Variants in FIGN observed in about 807,000 individuals in gnomAD.
FIGN encodes the protein fidgetin.
In FIGN, 11 loss-of-function variants were observed where a neutral mutation model predicts 51.3. The observed-to-expected ratio is 0.21, with a 90% CI of 0.13 to 0.35. The LOEUF is 0.35. FIGN is among the 10% of genes least tolerant of loss of function. The pLI is 1.00. For synonymous variants in FIGN, 407 were observed against 363.2 expected, an observed-to-expected ratio of 1.12 and a Z score of -1.37; for missense variants, 857 against 943.6, an observed-to-expected ratio of 0.91 and a Z score of 1.20.
At chr2:163,661,553 T>C (rs1683684737) in intron 2 of FIGN, among the ~76,000 whole-genome samples, 1 of 152,112 alleles carries the variant, frequency 6.6e-6, no homozygotes, top group South Asian at 2.1e-4. Flanking sequence ...CCCGCCACCT[T>C]GCCTGGCTAA....
intron 2 of FIGN, among the ~76,000 whole-genome samples, chr2:163,647,105 T>C (rs1683394328): frequency 6.6e-6 from 1 of 152,220 alleles, no homozygotes; most frequent in African/African-American, 2.4e-5. Context: ...CCCAAAGTGC[T>C]GGAACAAAGG....
intron 2 of FIGN, among the ~76,000 whole-genome samples, chr2:163,663,117 C>T (rs1175300659): frequency 2.0e-5 from 3 of 152,096 alleles, no homozygotes; most frequent in Non-Finnish European, 2.9e-5. Flanking sequence ...GATGGGGTTT[C>T]ACCATGTTGG....
rs142324808 is a variant in FIGN, at chr2:163,656,623, G to A, written c.26-44817C>T. 3.8e-3 allele frequency among the ~76,000 whole-genome samples: 577 copies of A among 152,154 alleles called. 2 individuals carry two copies. Among genetic ancestry groups the A allele is most frequent in the African/African-American group, 0.013 (556 of 41,514 alleles). On this transcript the variant is annotated intron_variant, in intron 2 of 2. Coordinates refer to ENST00000333129, the MANE Select transcript of FIGN (RefSeq NM_018086.4). ...GACACTAGATGTGGCATAAAAGCTT[G>A]GGTTAGAAATCTATTGAGGAGTCAG...
In FIGN at chr2:163,610,103, G is replaced by A. The variant is rs1174307306; in HGVS notation, c.1729C>T (p.Arg577Cys). The A allele has an allele frequency of 1.2e-6, 2 of 1,613,844 alleles. No individual in the cohort carries two copies. Among genetic ancestry groups the A allele is most frequent in the East Asian group, 2.2e-5 (1 of 44,848 alleles). The part of the protein sequence containing the change: ...IHASFLVARC[R>C]QPSVIFVSDI... Reference sequence around the variant, plus strand: ...CTAACAAAAATCACCGAGGGCTGGCGACACCTGGCCACAAGAAAAGAGGCA... The same window carrying A: ...CTAACAAAAATCACCGAGGGCTGGCAACACCTGGCCACAAGAAAAGAGGCA... Residue 577 changes from arginine to cysteine, a missense_variant, in exon 3 of 3, where the codon CGC becomes TGC. By Grantham distance (180) the Arg-to-Cys change is radical (BLOSUM62 -3). Around this residue, in one of 3 missense-constraint regions of FIGN, gnomAD observed 799 missense variants for 849.5 expected, o/e 0.94. Coordinates refer to ENST00000333129, the MANE Select transcript of FIGN (RefSeq NM_018086.4).
chr2:163,619,317 A>T (rs1370385486), intron 2 of FIGN, among the ~76,000 whole-genome samples: 1 of 152,186 alleles, frequency 6.6e-6, no homozygotes, highest in Non-Finnish European at 1.5e-5. Context: ...GGTAGATGGT[A>T]CGCAGGTAAG....
At chr2:163,618,639 C>T (rs1376331054) in intron 2 of FIGN, among the ~76,000 whole-genome samples, 1 of 152,074 alleles carries the variant, frequency 6.6e-6, no homozygotes, top group African/African-American at 2.4e-5. Context: ...TTCCATATTT[C>T]CCATTTTTCA....
In FIGN at chr2:163,624,691, C is replaced by CATATAT. The variant is rs55969954; in HGVS notation, c.26-12891_26-12886dup. The stretch of plus-strand genomic sequence containing the variant: ...ATCAAGGAAAGATTATATATACATA[C>CATATAT]ATATATATATATATATATTTTTTTT... On this transcript the variant is annotated intron_variant, in intron 2 of 2. Coordinates refer to ENST00000333129, the MANE Select transcript of FIGN (RefSeq NM_018086.4). Among the ~76,000 whole-genome samples, 191 of 141,282 alleles carry CATATAT rather than the reference C, an allele frequency of 1.4e-3. 1 individual carries two copies. The highest frequency in any genetic ancestry group is 4.6e-3 in the African/African-American group (176 of 38,676). 92.7% of individuals were successfully genotyped at this position (141,282 alleles called of 152,430 possible).
chr2:163,646,734 C>A, intron 2 of FIGN, among the ~76,000 whole-genome samples: 1 of 152,098 alleles, frequency 6.6e-6, no homozygotes, highest in East Asian at 1.9e-4. Flanking sequence ...GGACAATCAC[C>A]ATCTCTGTTG....
intron 2 of FIGN, among the ~76,000 whole-genome samples, chr2:163,647,792 T>C (rs13000009): frequency 0.25 from 37,368 of 152,136 alleles, 4,946 homozygotes; most frequent in Admixed American, 0.28. Flanking sequence ...GGTTGAAATA[T>C]TTTTATGTTA....
chr2:163,618,630 T>A (rs1682917526), intron 2 of FIGN, among the ~76,000 whole-genome samples: 1 of 152,058 alleles, frequency 6.6e-6, no homozygotes, highest in Non-Finnish European at 1.5e-5. Flanking sequence ...AATCTGTATT[T>A]CCATATTTCC....
intron 2 of FIGN, among the ~76,000 whole-genome samples, chr2:163,630,133 C>G (rs1484933138): frequency 6.6e-6 from 1 of 151,146 alleles, no homozygotes; most frequent in Admixed American, 6.6e-5. Context: ...GCCTAGCAAA[C>G]TTTTTTATTT....
chr2:163,704,191 T>A lies in FIGN; in HGVS notation c.25+30712A>T, dbSNP rs928292105. Among the ~76,000 whole-genome samples the A allele has an allele frequency of 8.5e-5, 13 of 152,164 alleles. 1 individual carries two copies. The highest frequency in any genetic ancestry group is 3.1e-4 in the African/African-American group (13 of 41,456). On this transcript the variant is annotated intron_variant, in intron 2 of 2. Coordinates refer to ENST00000333129, the MANE Select transcript of FIGN (RefSeq NM_018086.4). ...AAGGTGATTGAAGGGTACAGTAATA[T>A]GCTTACATGAATAATAAATAATACT...
intron 2 of FIGN, among the ~76,000 whole-genome samples, chr2:163,728,428 A>G (rs1402631841): frequency 6.6e-6 from 1 of 151,810 alleles, no homozygotes; most frequent in East Asian, 1.9e-4. Flanking sequence ...ACACACACAC[A>G]CACACACACA....
At chr2:163,624,226 T>A (rs1683018900) in intron 2 of FIGN, among the ~76,000 whole-genome samples, 3 of 152,102 alleles carry the variant, frequency 2.0e-5, no homozygotes, top group Admixed American at 2.0e-4. Flanking sequence ...ATATATGTAT[T>A]TTAAAAATTA....
At chr2:163,660,989 T>C (rs1309255102) in intron 2 of FIGN, among the ~76,000 whole-genome samples, 1 of 140,932 alleles carries the variant, frequency 7.1e-6, no homozygotes, top group Non-Finnish European at 1.5e-5. Flanking sequence ...GTTCAAGTGA[T>C]TCTCCTGCCT....
At chr2:163,699,620 G>A (rs1429230350) in intron 2 of FIGN, among the ~76,000 whole-genome samples, 1 of 152,024 alleles carries the variant, frequency 6.6e-6, no homozygotes, top group Non-Finnish European at 1.5e-5. Flanking sequence ...CTTTCTAATG[G>A]TACAGTTTCC....
At chr2:163,652,229 TA>T (rs1211169777) in intron 2 of FIGN, among the ~76,000 whole-genome samples, 16 of 152,082 alleles carry the variant, frequency 1.1e-4, no homozygotes, top group African/African-American at 3.1e-4. Flanking sequence ...AAAAGCTAAA[TA>T]AAAAATAACA....
At chr2:163,628,253 A>G (rs1683087155) in intron 2 of FIGN, among the ~76,000 whole-genome samples, 1 of 152,104 alleles carries the variant, frequency 6.6e-6, no homozygotes, top group African/African-American at 2.4e-5. Context: ...AGAGGTGGCT[A>G]TACAGAGGAG....
Position 163,610,884 on chromosome 2 carries a change from G to A in FIGN, c.948C>T (p.Leu316=). 6.2e-7 allele frequency: 1 copy of A among 1,613,818 alleles called. No individual in the cohort carries two copies. The highest frequency in any genetic ancestry group is 1.3e-5 in the African/African-American group (1 of 74,940). Residue 316 remains leucine, a synonymous_variant, in exon 3 of 3, where the codon CTC becomes CTT. Transcript: ENST00000333129. ...CTGCCATGTAGAAAGCTTTCCTTTT[G>A]AGAGAACTTGCTGAACTGTTTGTCA... ...SALTNSSASS[L]KRKAFYMAGQ...
Sources: allele counts gnomAD v4.1 joint callset (sites outside exome capture counted in the v4.1 genomes callset), GRCh38; gene constraint gnomAD v4.1.1; regional missense constraint gnomAD v4.1.1; transcripts MANE v1.5; gene names NCBI Gene and HGNC (gene_info 2026-07-23, HGNC 2026-07-21).